Variants in GPR19 observed in about 807,000 individuals in gnomAD.
The protein encoded by GPR19 is probable G protein-coupled receptor 19.
In GPR19, 14 loss-of-function variants were observed where a neutral mutation model predicts 28.5. The ratio of observed to expected loss-of-function variants is 0.49; its 90% confidence interval spans 0.32 to 0.77. GPR19 has a LOEUF of 0.77. Ranked by LOEUF, GPR19 falls within the 30% of genes least tolerant of loss-of-function variation. The probability of loss-of-function intolerance (pLI) is 0.03; values close to 1 mark genes in which losing one functional copy is unlikely to be tolerated. For missense variants in GPR19, 409 were observed against 504.1 expected (o/e 0.81, Z 1.81); for synonymous variants, 173 against 184.1 (o/e 0.94, Z 0.49).
chr12:12,676,691 C>T (rs1453779841), intron 3 of GPR19, among the ~76,000 whole-genome samples: 1 of 152,212 alleles, frequency 6.6e-6, no homozygotes, highest in African/African-American at 2.4e-5. Context: ...TACCAAACCT[C>T]TCAGAGAAGA....
At chr12:12,705,115 C>CT in the GPR19 span, among the ~76,000 whole-genome samples, 19,898 of 136,466 alleles carry the variant, frequency 0.15, 1,722 homozygotes, top group East Asian at 0.17. Flanking sequence ...AGAAATGCAT[C>CT]TTTTTTTTTT....
At chr12:12,690,517 C>T (rs1274290320) in intron 2 of GPR19, among the ~76,000 whole-genome samples, 3 of 152,210 alleles carry the variant, frequency 2.0e-5, no homozygotes, top group Non-Finnish European at 2.9e-5. Flanking sequence ...TACTGACTCT[C>T]TTTCTCTAGG....
the GPR19 span, chr12:12,715,756 C>A: frequency 3.9e-5 from 6 of 152,190 alleles, no homozygotes; most frequent in African/African-American, 1.4e-4. Flanking sequence ...CGGTACCAAC[C>A]GAATGCATGT....
chr12:12,711,452 C>T, the GPR19 span, among the ~76,000 whole-genome samples: 9 of 152,016 alleles, frequency 5.9e-5, no homozygotes, highest in Non-Finnish European at 7.4e-5. Flanking sequence ...AAGAGAGTGG[C>T]GGATTCTGAG....
chr12:12,681,818 C>T (rs1438828592), intron 3 of GPR19, among the ~76,000 whole-genome samples: 1 of 152,236 alleles, frequency 6.6e-6, no homozygotes, highest in African/African-American at 2.4e-5. Context: ...TTAAGCCTTA[C>T]TATCTTGCTA....
At chr12:12,705,421 A>AT in the GPR19 span, among the ~76,000 whole-genome samples, 1 of 152,210 alleles carries the variant, frequency 6.6e-6, no homozygotes, top group Non-Finnish European at 1.5e-5. Context: ...TTCTACAGTG[A>AT]TTTTCTAAGC....
At chr12:12,688,317 A>G (rs1566161533) in intron 2 of GPR19, among the ~76,000 whole-genome samples, 1 of 152,162 alleles carries the variant, frequency 6.6e-6, no homozygotes, top group Non-Finnish European at 1.5e-5. Flanking sequence ...TTTAACCCGA[A>G]TATAATCAAA....
chr12:12,711,041 T>C, the GPR19 span, among the ~76,000 whole-genome samples: 8 of 152,132 alleles, frequency 5.3e-5, no homozygotes, highest in African/African-American at 1.9e-4. Context: ...TGGTAGCTCA[T>C]GCCTGTAATC....
At chr12:12,702,285 A>G in the GPR19 span, among the ~76,000 whole-genome samples, 1 of 151,636 alleles carries the variant, frequency 6.6e-6, no homozygotes, top group African/African-American at 2.4e-5. Context: ...TATTTCTAAA[A>G]TATTAATAGA....
At chr12:12,668,657 T>C (rs78771264) in intron 3 of GPR19, among the ~76,000 whole-genome samples, 5,631 of 150,038 alleles carry the variant, frequency 0.038, 175 homozygotes, top group Middle Eastern at 0.089. Context: ...TTTATAATAT[T>C]GATTTTTTAC....
intron 3 of GPR19, 72 bp downstream of exon 3, chr12:12,684,279 T>TG (rs1946061798): frequency 6.6e-6 from 1 of 152,230 alleles, no homozygotes; most frequent in African/African-American, 2.4e-5. Context: ...CCAAATTGCC[T>TG]GGAAAAAAAG....
the GPR19 span, among the ~76,000 whole-genome samples, chr12:12,709,848 C>T: frequency 5.9e-5 from 9 of 152,100 alleles, no homozygotes; most frequent in South Asian, 2.1e-4. Context: ...TCCAAATTTT[C>T]GGGAGAAAAA....
rs4763862 is a variant in GPR19, at chr12:12,661,884, C to A, written c.565G>T (p.Val189Phe). 1.2e-6 allele frequency: 2 copies of A among 1,614,028 alleles called. No homozygotes were observed. Among genetic ancestry groups the A allele is most frequent in the African/African-American group, 2.7e-5 (2 of 74,884 alleles). The change falls in exon 4 of 4, where the codon GTC (valine) becomes TTC (phenylalanine). Residue 189 changes from valine (V) to phenylalanine (F), a missense_variant. Val to Phe is a conservative substitution (Grantham distance 50). Coordinates refer to ENST00000651487, the MANE Select transcript of GPR19 (RefSeq NM_006143.3). This position sits in a 1 kb window ranked among gnomAD's most constrained non-coding sequence, Gnocchi z 4.2. ...GGGGTCACAAAGCCTGCATCAAAGACCCACGATGCCGCAATCATTTTCTTG... is the reference window on the plus strand; with the variant it reads ...GGGGTCACAAAGCCTGCATCAAAGAACCACGATGCCGCAATCATTTTCTTG... ...KAKKMIAASW[V>F]FDAGFVTPVL...
the GPR19 span, among the ~76,000 whole-genome samples, chr12:12,706,790 T>C: frequency 6.6e-6 from 1 of 152,176 alleles, no homozygotes; most frequent in South Asian, 2.1e-4. Context: ...TCTCTACCCT[T>C]CTTTTCATGT....
At chr12:12,666,281 G>A (rs1945777472) in intron 3 of GPR19, among the ~76,000 whole-genome samples, 1 of 152,148 alleles carries the variant, frequency 6.6e-6, no homozygotes, top group South Asian at 2.1e-4. Flanking sequence ...CTGCATTCAT[G>A]GGCAGAAATG....
intron 2 of GPR19, among the ~76,000 whole-genome samples, chr12:12,695,025 AC>A (rs1946242774): frequency 6.6e-6 from 1 of 152,110 alleles, no homozygotes; most frequent in African/African-American, 2.4e-5. Context: ...ATATATTCAC[AC>A]TGGGATCCTT....
intron 2 of GPR19, among the ~76,000 whole-genome samples, chr12:12,692,445 C>T (rs1297633041): frequency 6.6e-6 from 1 of 151,844 alleles, no homozygotes; most frequent in Non-Finnish European, 1.5e-5. Context: ...GTTGCCCAGA[C>T]CGGTCTTGAA....
At chr12:12,707,175 G>T in the GPR19 span, among the ~76,000 whole-genome samples, 3 of 152,076 alleles carry the variant, frequency 2.0e-5, no homozygotes, top group Admixed American at 2.0e-4. Flanking sequence ...GCTATTTCCT[G>T]TGCCTGCAAC....
At chr12:12,693,071 C>T (rs534922457) in intron 2 of GPR19, among the ~76,000 whole-genome samples, 111 of 152,192 alleles carry the variant, frequency 7.3e-4, no homozygotes, top group Non-Finnish European at 1.4e-3. Flanking sequence ...TATTTATAAA[C>T]CTAGAAACCA....
Sources: allele counts gnomAD v4.1 joint callset (sites outside exome capture counted in the v4.1 genomes callset), GRCh38; gene constraint gnomAD v4.1.1; non-coding constraint Gnocchi (gnomAD v3.1); transcripts MANE v1.5; gene names NCBI Gene and HGNC (gene_info 2026-07-23, HGNC 2026-07-21).